MAPK4: variants seen among roughly 807,000 people sequenced by gnomAD.
MAPK4 encodes the protein mitogen-activated protein kinase 4, also known as Erk3-related.
MAPK4 carries 22 observed loss-of-function variants against 47.7 expected under a neutral mutation model. That is an observed-to-expected ratio of 0.46 (90% CI 0.33 to 0.66). The LOEUF (loss-of-function observed/expected upper bound fraction) is 0.66. Among genes scored for constraint, MAPK4 ranks in the 30% least tolerant of loss-of-function variants. MAPK4 has a pLI of 0.02. For synonymous variants in MAPK4, 390 were observed against 365.7 expected (o/e 1.07, Z -0.76); for missense variants, 736 against 831.7 (o/e 0.88, Z 1.42).
intron 1 of MAPK4, among the ~76,000 whole-genome samples, chr18:50,596,525 G>A (rs1360104188): frequency 1.3e-5 from 2 of 152,198 alleles, no homozygotes; most frequent in African/African-American, 2.4e-5. Flanking sequence ...TTCATTAGAA[G>A]AGTGGCCCTG....
Position 50,663,852 on chromosome 18 carries a change from C to A in MAPK4, c.-107C>A. ...ACTAGGAGAAAACACATCCCTCAGC[C>A]GTGGGACTTGACAGAATGAGGTGCG... On this transcript the variant is annotated 5_prime_UTR_variant, in exon 2 of 6. Coordinates refer to ENST00000400384, the MANE Select transcript of MAPK4 (RefSeq NM_002747.4). 1 of 952,824 alleles carries A rather than the reference C, an allele frequency of 1.0e-6. No homozygotes were observed. Among genetic ancestry groups the A allele is most frequent in the Non-Finnish European group, 1.6e-6 (1 of 632,716 alleles). 59.0% of individuals were successfully genotyped at this position (952,824 alleles called of 1,614,324 possible). A position where few individuals can be genotyped will look rare whatever the true frequency, so the allele number is the denominator to read the frequency against.
At chr18:50,634,966 G>A (rs143660600) in intron 1 of MAPK4, among the ~76,000 whole-genome samples, 75 of 152,278 alleles carry the variant, frequency 4.9e-4, no homozygotes, top group African/African-American at 1.6e-3. Flanking sequence ...CTCAGTTGGC[G>A]CTCCAGACCA....
chr18:50,562,359 C>G (rs2042160613), intron 1 of MAPK4, among the ~76,000 whole-genome samples: 1 of 151,804 alleles, frequency 6.6e-6, no homozygotes, highest in African/African-American at 2.4e-5. Flanking sequence ...CTATATCACC[C>G]TCTTGTTTCT....
At chr18:50,606,417 G>C (rs576021702) in intron 1 of MAPK4, among the ~76,000 whole-genome samples, 3 of 152,068 alleles carry the variant, frequency 2.0e-5, no homozygotes, top group African/African-American at 7.3e-5. Flanking sequence ...AGTGAGATTA[G>C]CCTAGCAATG....
At chr18:50,686,482 C>T (rs1487849478) in intron 2 of MAPK4, among the ~76,000 whole-genome samples, 2 of 152,236 alleles carry the variant, frequency 1.3e-5, no homozygotes, top group East Asian at 1.9e-4. Context: ...AATGGTGCGT[C>T]CTTTCTGAAC....
intron 1 of MAPK4, among the ~76,000 whole-genome samples, chr18:50,608,622 C>T (rs919620236): frequency 6.6e-6 from 1 of 152,188 alleles, no homozygotes; most frequent in Non-Finnish European, 1.5e-5. Context: ...TTTTATCAAG[C>T]ACTTGCTTGC....
chr18:50,635,792 T>C (rs12456953), intron 1 of MAPK4, among the ~76,000 whole-genome samples: 39,230 of 152,026 alleles, frequency 0.26, 5,364 homozygotes, highest in South Asian at 0.35. Flanking sequence ...GCTTATGGTC[T>C]AGTTCATAAG....
chr18:50,567,314 A>C (rs749975399), intron 1 of MAPK4, among the ~76,000 whole-genome samples: 1 of 152,202 alleles, frequency 6.6e-6, no homozygotes, highest in Non-Finnish European at 1.5e-5. Flanking sequence ...TGTTGTGAAC[A>C]TAATTTTTCA....
At chr18:50,632,585 T>C (rs1056523891) in intron 1 of MAPK4, among the ~76,000 whole-genome samples, 2 of 151,952 alleles carry the variant, frequency 1.3e-5, no homozygotes, top group African/African-American at 4.8e-5. Flanking sequence ...ACTTTAATCA[T>C]TCCTTAAGGA....
chr18:50,695,717 G>A (rs1047231435), intron 2 of MAPK4, among the ~76,000 whole-genome samples: 2 of 152,182 alleles, frequency 1.3e-5, no homozygotes, highest in African/African-American at 2.4e-5. Context: ...CGGAGGCAGA[G>A]GGAGCACCTG....
In MAPK4 at chr18:50,730,211, C is replaced by T. The variant is rs1285228452; in HGVS notation, c.*357C>T. 5 of 182,812 alleles carry T rather than the reference C, an allele frequency of 2.7e-5. No individual in the cohort carries two copies. The highest frequency in any genetic ancestry group is 4.5e-5 in the Non-Finnish European group (4 of 88,054). The allele number at this position is 182,812 out of a possible 1,614,324, so 11.3% of individuals were successfully genotyped here. A position where few individuals can be genotyped will look rare whatever the true frequency, so the allele number is the denominator to read the frequency against. Reference sequence around the variant, plus strand: ...GAGGTAGCTCCGAAACCATCTGGCCCAACTAGCCTCAACTGACAGCTGAGG... The same window carrying T: ...GAGGTAGCTCCGAAACCATCTGGCCTAACTAGCCTCAACTGACAGCTGAGG... On this transcript the variant is annotated 3_prime_UTR_variant, in exon 6 of 6. Transcript: ENST00000400384.
chr18:50,634,932 G>A (rs1178203173), intron 1 of MAPK4, among the ~76,000 whole-genome samples: 1 of 152,126 alleles, frequency 6.6e-6, no homozygotes, highest in African/African-American at 2.4e-5. Flanking sequence ...AGAATCAGCG[G>A]GGTTGTTCTT....
At chr18:50,724,604 G>T (rs993574002) in intron 4 of MAPK4, among the ~76,000 whole-genome samples, 3 of 152,244 alleles carry the variant, frequency 2.0e-5, no homozygotes, top group African/African-American at 7.2e-5. Flanking sequence ...CTGAGCATCA[G>T]ACTGTTGGGG....
At chr18:50,618,287 G>A (rs144112805) in intron 1 of MAPK4, among the ~76,000 whole-genome samples, 7 of 152,250 alleles carry the variant, frequency 4.6e-5, no homozygotes, top group East Asian at 3.9e-4. Flanking sequence ...TGTTGAAAGC[G>A]TGCTTGTTAA....
intron 2 of MAPK4, among the ~76,000 whole-genome samples, chr18:50,689,797 G>A (rs1010651473): frequency 6.6e-6 from 1 of 152,176 alleles, no homozygotes; most frequent in African/African-American, 2.4e-5. Context: ...GCTCTGATAA[G>A]TCCTGCAATT....
rs34529419 is a variant in MAPK4 at position 50,723,864 on chromosome 18, C to CAA, written c.853+1780_853+1781dup. Among the ~76,000 whole-genome samples the CAA allele has an allele frequency of 4.2e-3, 557 of 132,040 alleles. 10 individuals carry two copies. Among genetic ancestry groups the CAA allele is most frequent in the Admixed American group, 0.027 (361 of 13,298 alleles). The allele number at this position is 132,040 out of a possible 152,430, so 86.6% of individuals were successfully genotyped here. ...GGATGGCAGGAGTGAGACCCTGTCT[C>CAA]AAAAAAAAAAAAAAAAGAAATGAAG... On this transcript the variant is annotated intron_variant, in intron 4 of 5. Transcript: ENST00000400384.
intron 1 of MAPK4, among the ~76,000 whole-genome samples, chr18:50,567,249 T>A (rs1310507242): frequency 6.6e-6 from 1 of 152,132 alleles, no homozygotes; most frequent in East Asian, 1.9e-4. Context: ...TAACCCCCAC[T>A]CCCTGACAGG....
At chr18:50,620,422 G>A (rs963582784) in intron 1 of MAPK4, among the ~76,000 whole-genome samples, 10 of 152,196 alleles carry the variant, frequency 6.6e-5, no homozygotes, top group African/African-American at 2.4e-4. Flanking sequence ...CTCCTCATTA[G>A]AAATTCTGAC....
intron 4 of MAPK4, among the ~76,000 whole-genome samples, chr18:50,725,075 A>G (rs1911121816): frequency 6.6e-6 from 1 of 152,198 alleles, no homozygotes; most frequent in South Asian, 2.1e-4. Context: ...TTTGGCATAC[A>G]TTCATGCTGG....
Sources: gnomAD v4.1 joint callset for allele counts (sites outside exome capture counted in the v4.1 genomes callset) on GRCh38, gnomAD v4.1.1 for gene constraint, MANE v1.5 for transcripts, NCBI Gene and HGNC (gene_info 2026-07-23, HGNC 2026-07-21) for gene names.